CNTNAP5: variants seen among roughly 807,000 people sequenced by gnomAD.
The protein encoded by CNTNAP5 is contactin-associated protein-like 5.
In CNTNAP5, 72 loss-of-function variants were observed where a neutral mutation model predicts 150.2. That is an observed-to-expected ratio of 0.48 (90% confidence interval 0.40 to 0.58). The LOEUF is 0.58. CNTNAP5 is among the 20% of genes least tolerant of loss of function. The pLI, the probability that CNTNAP5 is intolerant of heterozygous loss-of-function variation, is 0.00. For synonymous variants in CNTNAP5, 672 were observed against 619.8 expected, an observed-to-expected ratio of 1.08 and a Z score of -1.25; for missense variants, 1,636 against 1,626.2, an observed-to-expected ratio of 1.01 and a Z score of -0.10.
intron 7 of CNTNAP5, among the ~76,000 whole-genome samples, 161 bp from the exon 8 acceptor site, chr2:124,504,129 AGT>A (rs1694342810): frequency 6.6e-6 from 1 of 152,102 alleles, no homozygotes; most frequent in Non-Finnish European, 1.5e-5. Context: ...CGATCTTGTG[AGT>A]GTGTCTGAGC....
At chr2:124,692,710 C>T (rs1454516352) in intron 13 of CNTNAP5, among the ~76,000 whole-genome samples, 3 of 152,130 alleles carry the variant, frequency 2.0e-5, no homozygotes, top group African/African-American at 7.2e-5. Context: ...AAAGAAAATA[C>T]TAGCACAGAC....
intron 21 of CNTNAP5, among the ~76,000 whole-genome samples, chr2:124,899,341 A>G (rs1195837580): frequency 6.6e-6 from 1 of 151,556 alleles, no homozygotes; most frequent in Non-Finnish European, 1.5e-5. Flanking sequence ...TTCATGATTC[A>G]TCAACTTAGG....
At chr2:124,465,759 C>T (rs1211651531) in intron 6 of CNTNAP5, among the ~76,000 whole-genome samples, 1 of 152,130 alleles carries the variant, frequency 6.6e-6, no homozygotes, top group Non-Finnish European at 1.5e-5. Flanking sequence ...GATTCCTCCC[C>T]TCATAGTGCT....
intron 2 of CNTNAP5, among the ~76,000 whole-genome samples, chr2:124,225,007 A>G (rs556101302): frequency 6.6e-6 from 1 of 152,220 alleles, no homozygotes; most frequent in African/African-American, 2.4e-5. Flanking sequence ...AAAACATGCA[A>G]TATATCCAAA....
chr2:124,564,662 A>T (rs549636510), intron 11 of CNTNAP5, among the ~76,000 whole-genome samples: 1 of 152,242 alleles, frequency 6.6e-6, no homozygotes, highest in Non-Finnish European at 1.5e-5. Flanking sequence ...CCCAGCCCTG[A>T]TTTTTATAAT....
chr2:124,737,061 G>A (rs920320369), intron 13 of CNTNAP5, among the ~76,000 whole-genome samples: 1 of 152,138 alleles, frequency 6.6e-6, no homozygotes, highest in Non-Finnish European at 1.5e-5. Flanking sequence ...GGGAGGCTGA[G>A]GCAGGTAGAT....
At chr2:124,166,267 C>T (rs139166327) in intron 1 of CNTNAP5, among the ~76,000 whole-genome samples, 49 of 152,084 alleles carry the variant, frequency 3.2e-4, no homozygotes, top group African/African-American at 9.7e-4. Flanking sequence ...TTGTTTAAAA[C>T]GAATGGCTGT....
At chr2:124,740,088 T>C (rs1573585286) in intron 13 of CNTNAP5, among the ~76,000 whole-genome samples, 1 of 149,458 alleles carries the variant, frequency 6.7e-6, no homozygotes, top group Non-Finnish European at 1.5e-5. Flanking sequence ...ATGAATTATA[T>C]ATTTAATTTA....
At chr2:124,493,628 C>T (rs928267383) in intron 7 of CNTNAP5, among the ~76,000 whole-genome samples, 9 of 151,960 alleles carry the variant, frequency 5.9e-5, no homozygotes, top group South Asian at 2.1e-4. Context: ...GGTGAGCCAC[C>T]GCATCCTGCC....
chr2:124,137,051 A>T (rs4637130), intron 1 of CNTNAP5, among the ~76,000 whole-genome samples: 79,364 of 151,810 alleles, frequency 0.52, 20,952 homozygotes, highest in South Asian at 0.64. Context: ...TTCCTTCAGC[A>T]TGACTTATAT....
At position 124,858,615 on chromosome 2, in the gene CNTNAP5, G is replaced by A. The variant is rs529724256; in HGVS notation, c.3218-6691G>A. Among the ~76,000 whole-genome samples, 19 of 152,176 alleles carry A rather than the reference G, an allele frequency of 1.2e-4. 1 individual carries two copies. In the South Asian group the frequency reaches 3.7e-3, roughly 30 times the overall value. On this transcript the variant is annotated intron_variant, in intron 19 of 23. Transcript: ENST00000682447. ...GAAGAATCAATATCGTGAAAATCAA[G>A]TTAAATAATGGGTTATACTTAAAGT...
At chr2:124,514,487 C>T (rs1001309961) in intron 8 of CNTNAP5, among the ~76,000 whole-genome samples, 5 of 151,960 alleles carry the variant, frequency 3.3e-5, no homozygotes, top group African/African-American at 1.2e-4. Flanking sequence ...ACTTGAAGTT[C>T]CTCTCATTGG....
At chr2:124,700,117 A>T (rs1679491830) in intron 13 of CNTNAP5, among the ~76,000 whole-genome samples, 1 of 152,106 alleles carries the variant, frequency 6.6e-6, no homozygotes. Context: ...CCACTCAATA[A>T]ATGGTCATTT....
chr2:124,260,490 T>C (rs1243966092), intron 3 of CNTNAP5, among the ~76,000 whole-genome samples: 1 of 152,142 alleles, frequency 6.6e-6, no homozygotes, highest in Non-Finnish European at 1.5e-5. Flanking sequence ...CAAAAAGCAA[T>C]GGCAACAAAA....
At chr2:124,522,137 C>T (rs939178593) in intron 8 of CNTNAP5, among the ~76,000 whole-genome samples, 15 of 152,124 alleles carry the variant, frequency 9.9e-5, no homozygotes, top group African/African-American at 3.6e-4. Context: ...CTTGTTTCTC[C>T]CAGGGCAGCC....
At chr2:124,763,257 A>T (rs370014830) in intron 14 of CNTNAP5, among the ~76,000 whole-genome samples, 1 of 152,158 alleles carries the variant, frequency 6.6e-6, no homozygotes, top group Non-Finnish European at 1.5e-5. Flanking sequence ...TGGCTGAAAC[A>T]AGTCCTTGGA....
At chr2:124,379,899 A>G (rs1422321494) in intron 3 of CNTNAP5, among the ~76,000 whole-genome samples, 1 of 152,144 alleles carries the variant, frequency 6.6e-6, no homozygotes, top group African/African-American at 2.4e-5. Context: ...GTTACAAGTT[A>G]GACCCATTGT....
chr2:124,352,563 G>T (rs1689896600), intron 3 of CNTNAP5, among the ~76,000 whole-genome samples: 1 of 152,144 alleles, frequency 6.6e-6, no homozygotes, highest in East Asian at 1.9e-4. Context: ...CAATTTTCTG[G>T]AAGTTACATG....
intron 4 of CNTNAP5, among the ~76,000 whole-genome samples, chr2:124,425,232 C>T (rs909637621): frequency 7.2e-5 from 11 of 152,094 alleles, no homozygotes; most frequent in African/African-American, 2.2e-4. Context: ...GTTCACCTTC[C>T]CTTAAACATA....
Sources: allele counts gnomAD v4.1 joint callset (sites outside exome capture counted in the v4.1 genomes callset), GRCh38; gene constraint gnomAD v4.1.1; transcripts MANE v1.5; gene names NCBI Gene and HGNC (gene_info 2026-07-23, HGNC 2026-07-21).